RALA: variants seen among roughly 807,000 people sequenced by gnomAD.
RALA encodes ras-related protein Ral-A.
In RALA, 5 loss-of-function variants were observed where a neutral mutation model predicts 24.0. The observed-to-expected ratio is 0.21, with a 90% CI of 0.11 to 0.44. The LOEUF is 0.44. Ranked by LOEUF, RALA falls within the 20% of genes least tolerant of loss-of-function variation. The pLI, the probability that RALA is intolerant of heterozygous loss-of-function variation, is 0.99. For synonymous variants in RALA, 77 were observed against 83.8 expected (o/e 0.92, Z 0.44); for missense variants, 95 against 241.2 (o/e 0.39, Z 4.01).
intron 1 of RALA, among the ~76,000 whole-genome samples, chr7:39,674,756 C>A (rs1792449615): frequency 6.7e-6 from 1 of 149,476 alleles, no homozygotes; most frequent in South Asian, 2.1e-4. Context: ...CAAGTCTAAA[C>A]ATGAAATGCA....
chr7:39,666,805 A>G (rs562284346), intron 1 of RALA, among the ~76,000 whole-genome samples: 1 of 152,346 alleles, frequency 6.6e-6, no homozygotes, highest in African/African-American at 2.4e-5. Context: ...ATTGGCACAA[A>G]GGGAATCTTT....
chr7:39,705,978 T>C, intron 4 of RALA, 145 bp from the exon 5 acceptor site: 1 of 649,214 alleles, frequency 1.5e-6, no homozygotes, highest in African/African-American at 1.9e-5. Context: ...CAGGCTTTAG[T>C]TTTATGCTTT....
At chr7:39,655,191 A>C (rs1209003771) in intron 1 of RALA, among the ~76,000 whole-genome samples, 1 of 152,268 alleles carries the variant, frequency 6.6e-6, no homozygotes. Flanking sequence ...AATGTCCATC[A>C]ACAGGTGAAT....
intron 4 of RALA, among the ~76,000 whole-genome samples, chr7:39,705,132 G>GT (rs942040100): frequency 1.5e-4 from 23 of 151,940 alleles, no homozygotes; most frequent in African/African-American, 5.3e-4. Context: ...ATTGTTCTTT[G>GT]TGCAAGGGCG....
chr7:39,641,575 T>C (rs1791818365), intron 1 of RALA, among the ~76,000 whole-genome samples: 2 of 152,244 alleles, frequency 1.3e-5, no homozygotes, highest in African/African-American at 2.4e-5. Flanking sequence ...TTTTTTGTTA[T>C]TGGTTTGCTT....
chr7:39,659,050 C>T (rs1314072756), intron 1 of RALA, among the ~76,000 whole-genome samples: 1 of 152,082 alleles, frequency 6.6e-6, no homozygotes, highest in African/African-American at 2.4e-5. Context: ...GAGGCCGAGG[C>T]AGGCAGATCA....
intron 1 of RALA, among the ~76,000 whole-genome samples, chr7:39,637,499 A>AT (rs1291270642): frequency 2.0e-5 from 3 of 152,194 alleles, no homozygotes; most frequent in Non-Finnish European, 4.4e-5. Flanking sequence ...TAACAATAGC[A>AT]TTTTTTGTAA....
chr7:39,676,618 GCTTATCCTGTAATGAGCTTCT>G (rs1299324893), intron 1 of RALA, among the ~76,000 whole-genome samples: 1 of 152,110 alleles, frequency 6.6e-6, no homozygotes, highest in Non-Finnish European at 1.5e-5. Context: ...GATTAGCTGT[GCTTATCCTGTAATGAGCTTCT>G]CTATCGAAAA....
intron 1 of RALA, among the ~76,000 whole-genome samples, chr7:39,682,553 C>T (rs1314788189): frequency 6.6e-6 from 1 of 152,278 alleles, no homozygotes; most frequent in African/African-American, 2.4e-5. Flanking sequence ...GATTTGGCCT[C>T]TGCCTACCTG....
intron 3 of RALA, among the ~76,000 whole-genome samples, chr7:39,693,874 T>C (rs1287883154): frequency 6.6e-6 from 1 of 152,246 alleles, no homozygotes; most frequent in African/African-American, 2.4e-5. Context: ...GAGTTTACTT[T>C]CTCTGTGGCC....
chr7:39,679,667 G>A (rs765636372), intron 1 of RALA, among the ~76,000 whole-genome samples: 14 of 151,966 alleles, frequency 9.2e-5, no homozygotes, highest in Non-Finnish European at 1.8e-4. Flanking sequence ...AATTGCAAAT[G>A]TTTTCCACAG....
intron 1 of RALA, among the ~76,000 whole-genome samples, chr7:39,669,084 G>A (rs577790643): frequency 3.6e-4 from 54 of 152,102 alleles, no homozygotes; most frequent in Admixed American, 5.9e-4. Context: ...ACTGCACTCC[G>A]GCCTAGCGAC....
At chr7:39,704,420 C>T (rs1793081710) in intron 4 of RALA, among the ~76,000 whole-genome samples, 1 of 151,432 alleles carries the variant, frequency 6.6e-6, no homozygotes, top group Non-Finnish European at 1.5e-5. Context: ...CTCCTGAATT[C>T]AAGTGATCTG....
chr7:39,658,205 T>C (rs1029312571), intron 1 of RALA, among the ~76,000 whole-genome samples: 1 of 152,204 alleles, frequency 6.6e-6, no homozygotes. Context: ...GTGGTCTTCA[T>C]CCTAGACATA....
chr7:39,642,316 G>A (rs752199372), intron 1 of RALA, among the ~76,000 whole-genome samples: 1 of 152,094 alleles, frequency 6.6e-6, no homozygotes, highest in African/African-American at 2.4e-5. Flanking sequence ...GGTGGGAAAC[G>A]GTGGAAAGGT....
intron 1 of RALA, among the ~76,000 whole-genome samples, chr7:39,684,928 T>C (rs970828767): frequency 2.0e-5 from 3 of 152,158 alleles, no homozygotes; most frequent in African/African-American, 7.2e-5. Context: ...TTGCCAGCCA[T>C]GTTAGTTACA....
chr7:39,627,320 T>C (rs1791509742), intron 1 of RALA, among the ~76,000 whole-genome samples: 1 of 152,188 alleles, frequency 6.6e-6, no homozygotes, highest in South Asian at 2.1e-4. Context: ...GGTGATGACT[T>C]AGTTTCTGAA....
chr7:39,679,600 A>G (rs1228450205), intron 1 of RALA, among the ~76,000 whole-genome samples: 1 of 152,190 alleles, frequency 6.6e-6, no homozygotes, highest in Non-Finnish European at 1.5e-5. Context: ...CAAGTGCAGT[A>G]GTGAGAAGTG....
intron 1 of RALA, among the ~76,000 whole-genome samples, chr7:39,669,411 G>C (rs1206566798): frequency 1.3e-5 from 2 of 152,288 alleles, no homozygotes; most frequent in South Asian, 4.1e-4. Context: ...CAGAGAAGCA[G>C]CTATACAAAG....
Sources: gnomAD v4.1 joint callset for allele counts (sites outside exome capture counted in the v4.1 genomes callset) on GRCh38, gnomAD v4.1.1 for gene constraint, MANE v1.5 for transcripts, NCBI Gene and HGNC (gene_info 2026-07-23, HGNC 2026-07-21) for gene names.